Variants in CEACAM7 observed in about 807,000 individuals in gnomAD.
The protein encoded by CEACAM7 is CEA cell adhesion molecule 7.
A neutral mutation model predicts 25.7 loss-of-function variants in CEACAM7; 24 were observed. That is an observed-to-expected ratio of 0.93 (90% confidence interval 0.68 to 1.31). CEACAM7 has a LOEUF of 1.31. Among genes scored for constraint, CEACAM7 ranks in the 40% most tolerant of loss-of-function variants. The pLI, the probability that CEACAM7 is intolerant of heterozygous loss-of-function variation, is 0.00. For missense variants in CEACAM7, 324 were observed against 330.1 expected (o/e 0.98, Z 0.14); for synonymous variants, 144 against 129.4 (o/e 1.11, Z -0.77).
Position 41,686,995 on chromosome 19 carries a change from G to A in CEACAM7, c.291C>T (p.Asn97=), listed in dbSNP as rs140053238. 6.6e-5 allele frequency: 106 copies of A among 1,613,424 alleles called. No individual in the cohort carries two copies. Among genetic ancestry groups the A allele is most frequent in the Middle Eastern group, 1.6e-4 (1 of 6,076 alleles). Residue 97 remains asparagine, a synonymous_variant, in exon 2 of 5, where the codon AAC becomes AAT. Coordinates refer to ENST00000401731, the MANE Select transcript of CEACAM7 (RefSeq NM_001291485.2). ...SQENAPGPAH[N]GRETIYPNGT... is the part of the protein sequence containing the mutation. Reference sequence around the variant, plus strand: ...CATTGGGGTATATTGTCTCTCGACCGTTGTGTGCGGGCCCTGGGGCATTTT... The same window carrying A: ...CATTGGGGTATATTGTCTCTCGACCATTGTGTGCGGGCCCTGGGGCATTTT...
chr19:41,687,085 C>T lies in CEACAM7; in HGVS notation c.201G>A (p.Trp67Ter), dbSNP rs782620464. The T allele has an allele frequency of 6.2e-7, 1 of 1,613,992 alleles. No homozygotes were observed. The highest frequency in any genetic ancestry group is 1.1e-5 in the South Asian group (1 of 91,072). The change falls in exon 2 of 5, where the codon TGG (tryptophan) becomes TGA (stop). Residue 67 changes from tryptophan to a stop codon, truncating the protein, a stop_gained. Coordinates refer to ENST00000401731, the MANE Select transcript of CEACAM7 (RefSeq NM_001291485.2). LOFTEE classifies it high-confidence loss of function. ...TGGCATGCACCCTTTCCCCTTTGTA[C>T]CAGTTGTAGCCATAAAGATTCTGGG... ...NESQNLYGYN[W>*]YKGERVHANY...
chr19:41,684,091 G>T (rs370236718), intron 2 of CEACAM7, 28 bp from the exon 3 acceptor site: 1 of 1,567,348 alleles, frequency 6.4e-7, no homozygotes, highest in Non-Finnish European at 8.7e-7. Flanking sequence ...AGAAAAGATT[G>T]CCCTGTGTGG....
rs1429969589 is a variant in CEACAM7 at position 41,673,310 on chromosome 19, T to C, written c.*1466A>G. ...AAATTATAACAAATTCAGTTATAGATACAATTGGCTTTTATTTGTGATTCA... is the reference window on the plus strand; with the variant it reads ...AAATTATAACAAATTCAGTTATAGACACAATTGGCTTTTATTTGTGATTCA... On this transcript the variant is annotated 3_prime_UTR_variant, in exon 5 of 5. Transcript: ENST00000401731. 6.6e-6 allele frequency: 1 copy of C among 152,208 alleles called. No homozygotes were observed. Among genetic ancestry groups the C allele is most frequent in the Non-Finnish European group, 1.5e-5 (1 of 68,036 alleles). The allele number at this position is 152,208 out of a possible 1,614,324, so 9.4% of individuals were successfully genotyped here. A position where few individuals can be genotyped will look rare whatever the true frequency, so the allele number is the denominator to read the frequency against.
chr19:41,673,843 T>C lies in CEACAM7; in HGVS notation c.*933A>G, dbSNP rs1555809842. 2.0e-5 allele frequency: 3 copies of C among 152,234 alleles called. No homozygotes were observed. The allele number at this position is 152,234 out of a possible 1,614,324, so 9.4% of individuals were successfully genotyped here. A position where few individuals can be genotyped will look rare whatever the true frequency, so the allele number is the denominator to read the frequency against. On this transcript the variant is annotated 3_prime_UTR_variant, in exon 5 of 5. Coordinates refer to ENST00000401731, the MANE Select transcript of CEACAM7 (RefSeq NM_001291485.2). ...ATTTGACATTTGACGAATGGCTGCATGCAAACATTTAAAGGTTTTAGAGAA... is the reference window on the plus strand; with the variant it reads ...ATTTGACATTTGACGAATGGCTGCACGCAAACATTTAAAGGTTTTAGAGAA...
Position 41,688,156 on chromosome 19 carries a change from G to A in CEACAM7, c.10C>T (p.Pro4Ser), listed in dbSNP as rs782220116. 6.2e-7 allele frequency: 1 copy of A among 1,610,736 alleles called. No individual in the cohort carries two copies. Among genetic ancestry groups the A allele is most frequent in the African/African-American group, 1.3e-5 (1 of 74,766 alleles). ...CACACTCTGTATGGACAGGCTGAAG[G>A]GGACCCCATGGTCTCTGCTGCCTGC... The part of the protein sequence containing the change: MGS[P>S]SACPYRVCIP... Residue 4 changes from proline to serine, a missense_variant, in exon 1 of 5, where the codon CCT becomes TCT. Transcript: ENST00000401731.
chr19:41,686,442 C>T (rs1309736379), intron 2 of CEACAM7, among the ~76,000 whole-genome samples: 3 of 152,134 alleles, frequency 2.0e-5, no homozygotes, highest in Non-Finnish European at 4.4e-5. Flanking sequence ...GACACAGGTT[C>T]CTTAGGGTCA....
chr19:41,686,201 ACTCCCCTAGGACCT>A (rs781844923), intron 2 of CEACAM7, among the ~76,000 whole-genome samples: 1 of 151,680 alleles, frequency 6.6e-6, no homozygotes, highest in Non-Finnish European at 1.5e-5. Context: ...GAGGACACTG[ACTCCCCTAGGACCT>A]CTCTTAAGTT....
At chr19:41,675,027 C>A (rs2072100421) in intron 4 of CEACAM7, among the ~76,000 whole-genome samples, 1 of 152,172 alleles carries the variant, frequency 6.6e-6, no homozygotes, top group Non-Finnish European at 1.5e-5. Flanking sequence ...CTTTTAGAAA[C>A]CTCTCAGCAC....
chr19:41,682,273 A>C (rs1377103210), intron 3 of CEACAM7, among the ~76,000 whole-genome samples: 1 of 151,786 alleles, frequency 6.6e-6, no homozygotes, highest in Non-Finnish European at 1.5e-5. Context: ...AATATGGTAA[A>C]TTTCAGGTTA....
Position 41,683,964 on chromosome 19 carries a change from G to T in CEACAM7, c.527C>A (p.Thr176Asn). The change falls in exon 3 of 5, where the codon ACC becomes AAC. Residue 176 changes from threonine to asparagine, a missense_variant. Physicochemically the swap from Thr to Asn is moderately conservative, Grantham distance 65 (BLOSUM62 0). Coordinates refer to ENST00000401731, the MANE Select transcript of CEACAM7 (RefSeq NM_001291485.2). Reference protein sequence around the residue: ...LTCQPETQNTTYLWWVNNQSL... With the variant: ...LTCQPETQNTNYLWWVNNQSL... Reference sequence around the variant, plus strand: ...CTGATTGTTTACCCACCACAGGTAGGTTGTGTTCTGAGTCTCAGGTTGACA... The same window carrying T: ...CTGATTGTTTACCCACCACAGGTAGTTTGTGTTCTGAGTCTCAGGTTGACA... 1 of 1,614,204 alleles carries T rather than the reference G, an allele frequency of 6.2e-7. No individual in the cohort carries two copies. The highest frequency in any genetic ancestry group is 1.1e-5 in the South Asian group (1 of 91,078).
chr19:41,686,715 C>A, intron 2 of CEACAM7, 144 bp downstream of exon 2: 2 of 830,116 alleles, frequency 2.4e-6, no homozygotes, highest in Non-Finnish European at 3.7e-6. Flanking sequence ...TTGTCTCCCC[C>A]ATGTGTGTCC....
intron 3 of CEACAM7, among the ~76,000 whole-genome samples, chr19:41,681,139 A>C (rs971124958): frequency 3.0e-4 from 46 of 152,378 alleles, no homozygotes; most frequent in African/African-American, 9.9e-4. Context: ...CAAGGAAGAT[A>C]TGCAAATGGC....
intron 4 of CEACAM7, among the ~76,000 whole-genome samples, chr19:41,676,793 G>A (rs1267377714): frequency 6.6e-6 from 1 of 152,116 alleles, no homozygotes; most frequent in Non-Finnish European, 1.5e-5. Flanking sequence ...TATAACATTG[G>A]AACTAAGAAT....
At chr19:41,684,463 GT>G (rs1368612113) in intron 2 of CEACAM7, among the ~76,000 whole-genome samples, 4 of 152,196 alleles carry the variant, frequency 2.6e-5, no homozygotes, top group Non-Finnish European at 5.9e-5. Context: ...GCCAAGGGGT[GT>G]TTCTCTGAGC....
intron 1 of CEACAM7, 101 bp downstream of exon 1, chr19:41,688,001 A>C: frequency 1.0e-6 from 1 of 972,790 alleles, no homozygotes; most frequent in Non-Finnish European, 1.5e-6. Flanking sequence ...GGACTTCAAC[A>C]GAAGCCCTTT....
At chr19:41,687,330 AG>A in intron 1 of CEACAM7, 109 bp from the exon 2 acceptor site, 1 of 778,470 alleles carries the variant, frequency 1.3e-6, no homozygotes, top group South Asian at 2.1e-5. Context: ...TCTTGAAGTA[AG>A]TGTGTGTGTG....
At chr19:41,676,790 T>C (rs1028165895) in intron 4 of CEACAM7, among the ~76,000 whole-genome samples, 1 of 152,092 alleles carries the variant, frequency 6.6e-6, no homozygotes, top group South Asian at 2.1e-4. Context: ...AGATATAACA[T>C]TGGAACTAAG....
chr19:41,679,477 G>A (rs2072150019), intron 3 of CEACAM7, among the ~76,000 whole-genome samples: 1 of 152,112 alleles, frequency 6.6e-6, no homozygotes, highest in South Asian at 2.1e-4. Flanking sequence ...ATACTCCAGG[G>A]AGAAAGACTG....
chr19:41,682,501 A>G (rs1488965677), intron 3 of CEACAM7, among the ~76,000 whole-genome samples: 3 of 152,170 alleles, frequency 2.0e-5, no homozygotes, highest in Non-Finnish European at 2.9e-5. Context: ...AGTCTGCCCC[A>G]GGGCTCCCTC....
Sources: gnomAD v4.1 joint callset for allele counts (sites outside exome capture counted in the v4.1 genomes callset) on GRCh38, gnomAD v4.1.1 for gene constraint, MANE v1.5 for transcripts, NCBI Gene and HGNC (gene_info 2026-07-23, HGNC 2026-07-21) for gene names.